Variants in MDGA2 observed in about 807,000 individuals in gnomAD.
MDGA2 encodes MAM domain-containing glycosylphosphatidylinositol anchor protein 2.
In MDGA2, 40 loss-of-function variants were observed where a neutral mutation model predicts 117.8. The ratio of observed to expected loss-of-function variants is 0.34; its 90% CI spans 0.26 to 0.44. MDGA2 has a LOEUF of 0.44. MDGA2 is among the 20% of genes least tolerant of loss of function. MDGA2 has a pLI of 1.00. For missense variants in MDGA2, 1,123 were observed against 1,250.6 expected, an observed-to-expected ratio of 0.90 and a Z score of 1.54; for synonymous variants, 452 against 439.0, an observed-to-expected ratio of 1.03 and a Z score of -0.37.
chr14:46,961,653 T>C (rs1446793179), intron 8 of MDGA2, among the ~76,000 whole-genome samples: 1 of 150,124 alleles, frequency 6.7e-6, no homozygotes, highest in African/African-American at 2.5e-5. Flanking sequence ...ATAATTTTTT[T>C]TTTTTTTGAG....
intron 1 of MDGA2, among the ~76,000 whole-genome samples, chr14:47,318,255 T>G (rs1889868288): frequency 6.6e-6 from 1 of 150,542 alleles, no homozygotes; most frequent in Non-Finnish European, 1.5e-5. Context: ...TAACATGACC[T>G]TAAAAACGCT....
chr14:47,238,683 T>G (rs1886945269), intron 2 of MDGA2, among the ~76,000 whole-genome samples: 1 of 151,646 alleles, frequency 6.6e-6, no homozygotes, highest in Admixed American at 6.6e-5. Flanking sequence ...ACTCAGAGAA[T>G]AAGATTTATG....
At chr14:47,583,260 T>C (rs889142549) in intron 1 of MDGA2, among the ~76,000 whole-genome samples, 1 of 151,780 alleles carries the variant, frequency 6.6e-6, no homozygotes, top group African/African-American at 2.4e-5. Flanking sequence ...TAGATTAGAC[T>C]GTATGGTCAG....
chr14:47,005,264 T>C (rs1189082024), intron 8 of MDGA2, among the ~76,000 whole-genome samples: 1 of 151,630 alleles, frequency 6.6e-6, no homozygotes, highest in Non-Finnish European at 1.5e-5. Flanking sequence ...CTTAGCAAGT[T>C]CCCTTCTATG....
At chr14:47,499,499 T>A (rs1308174873) in intron 1 of MDGA2, among the ~76,000 whole-genome samples, 2 of 152,174 alleles carry the variant, frequency 1.3e-5, no homozygotes, top group Non-Finnish European at 2.9e-5. Flanking sequence ...TTATTCCCTA[T>A]TCTTCTAGAC....
chr14:47,101,353 A>G (rs1880314973), intron 5 of MDGA2, among the ~76,000 whole-genome samples: 1 of 152,184 alleles, frequency 6.6e-6, no homozygotes, highest in Non-Finnish European at 1.5e-5. Context: ...CTATTTCCCC[A>G]TAAGCACCTC....
chr14:47,531,688 C>T (rs1895105039), intron 1 of MDGA2, among the ~76,000 whole-genome samples: 1 of 152,164 alleles, frequency 6.6e-6, no homozygotes, highest in Non-Finnish European at 1.5e-5. Context: ...CGGGGAGACT[C>T]TTCCTTAAAC....
chr14:46,865,628 A>G (rs999063125), intron 14 of MDGA2, among the ~76,000 whole-genome samples: 6 of 152,046 alleles, frequency 3.9e-5, no homozygotes, highest in Non-Finnish European at 7.4e-5. Context: ...ACATGATTGT[A>G]TATCTAGAAA....
intron 2 of MDGA2, among the ~76,000 whole-genome samples, chr14:47,257,546 A>G (rs895224112): frequency 1.9e-4 from 29 of 152,152 alleles, no homozygotes; most frequent in African/African-American, 6.0e-4. Flanking sequence ...TCATGAGGAC[A>G]GGAATTGGCA....
chr14:47,630,153 TAA>T (rs1451362785), intron 1 of MDGA2, among the ~76,000 whole-genome samples: 2 of 151,952 alleles, frequency 1.3e-5, no homozygotes, highest in Non-Finnish European at 2.9e-5. Context: ...AGCATAAGTT[TAA>T]AAAAAGTCAC....
intron 3 of MDGA2, among the ~76,000 whole-genome samples, chr14:47,175,851 A>C (rs2139345832): frequency 6.6e-6 from 1 of 151,788 alleles, no homozygotes; most frequent in South Asian, 2.1e-4. Context: ...GAAAAGAGGA[A>C]GTCAAATTGT....
chr14:47,634,656 T>C (rs1176471035), intron 1 of MDGA2, among the ~76,000 whole-genome samples: 1 of 152,132 alleles, frequency 6.6e-6, no homozygotes, highest in African/African-American at 2.4e-5. Context: ...CTATTTCATA[T>C]GCCTAAACCA....
chr14:47,314,713 G>A (rs142424946), intron 1 of MDGA2, among the ~76,000 whole-genome samples: 1 of 151,802 alleles, frequency 6.6e-6, no homozygotes, highest in East Asian at 1.9e-4. Context: ...CATACAAGAG[G>A]GAAAAGATAT....
At chr14:47,323,088 C>G (rs1466413707) in intron 1 of MDGA2, among the ~76,000 whole-genome samples, 1 of 142,196 alleles carries the variant, frequency 7.0e-6, no homozygotes, top group Non-Finnish European at 1.5e-5. Flanking sequence ...GACTAACCAC[C>G]CATTTTCCTG....
At chr14:47,647,734 A>G (rs1032295977) in intron 1 of MDGA2, among the ~76,000 whole-genome samples, 2 of 151,548 alleles carry the variant, frequency 1.3e-5, no homozygotes, top group Non-Finnish European at 3.0e-5. Flanking sequence ...TCCAAAATAT[A>G]TGTGTTTTAT....
intron 1 of MDGA2, among the ~76,000 whole-genome samples, chr14:47,513,485 G>A (rs899754889): frequency 1.3e-5 from 2 of 151,892 alleles, no homozygotes; most frequent in Non-Finnish European, 2.9e-5. Context: ...TCATTCATCT[G>A]GAAGAATGAA....
Position 47,674,520 on chromosome 14 carries a change from A to G in MDGA2, c.277T>C (p.Tyr93His), listed in dbSNP as rs1898138352. ...LLEGISGQGV[Y>H]APPTVRIVHS... ...ATAGCGTCGCGATTCCACTCACCGT[A>G]CACTCCTTGGCCAGAGATCCCCTCC... is the stretch of plus-strand genomic sequence containing the variant. The change falls in exon 1 of 17, where the codon TAC becomes CAC. Residue 93 changes from tyrosine to histidine, a missense_variant. By Grantham distance (83) the Tyr-to-His change is moderately conservative. Transcript: ENST00000399232. 1 of 1,550,608 alleles carries G rather than the reference A, an allele frequency of 6.4e-7. No individual in the cohort carries two copies. Among genetic ancestry groups the G allele is most frequent in the Admixed American group, 2.0e-5 (1 of 50,778 alleles).
intron 3 of MDGA2, among the ~76,000 whole-genome samples, chr14:47,153,735 G>A (rs183235511): frequency 3.2e-4 from 48 of 151,590 alleles, no homozygotes; most frequent in Middle Eastern, 3.4e-3. Context: ...ACAGTTGGGC[G>A]GGAGGGCTTT....
chr14:47,023,246 T>C (rs893368791), intron 8 of MDGA2, among the ~76,000 whole-genome samples: 1 of 148,388 alleles, frequency 6.7e-6, no homozygotes, highest in Non-Finnish European at 1.5e-5. Flanking sequence ...AAAGTTCATC[T>C]GACAGCAATG....
Sources: allele counts gnomAD v4.1 joint callset (sites outside exome capture counted in the v4.1 genomes callset), GRCh38; gene constraint gnomAD v4.1.1; transcripts MANE v1.5; gene names NCBI Gene and HGNC (gene_info 2026-07-23, HGNC 2026-07-21).